NLRP13: variants seen among roughly 807,000 people sequenced by gnomAD.
The protein encoded by NLRP13 is NACHT, LRR and PYD domains-containing protein 13.
In NLRP13, 82 loss-of-function variants were observed where a neutral mutation model predicts 94.4. The observed-to-expected ratio is 0.87, with a 90% CI of 0.73 to 1.04. The LOEUF (loss-of-function observed/expected upper bound fraction) is 1.04. NLRP13 is among the 50% of genes least tolerant of loss of function. The pLI is 0.00. For synonymous variants in NLRP13, 553 were observed against 464.7 expected (o/e 1.19, Z -2.45); for missense variants, 1,426 against 1,230.8 (o/e 1.16, Z -2.37).
chr19:55,912,682 A>C lies in NLRP13; in HGVS notation c.1135T>G (p.Cys379Gly). ...RDLKASLVNP[C>G]FVQITGFTGD... ...GTGAACCCTGTAATTTGTACAAAGC[A>C]TGGATTCACTAATGAGGCCTTAAGA... The change falls in exon 5 of 11, where the codon TGC becomes GGC. Residue 379 changes from cysteine to glycine, a missense_variant. Cys to Gly is a radical substitution (Grantham distance 159). Coordinates refer to ENST00000342929, the MANE Select transcript of NLRP13 (RefSeq NM_176810.2). The C allele has an allele frequency of 6.2e-7, 1 of 1,614,216 alleles. No homozygotes were observed. The highest frequency in any genetic ancestry group is 8.5e-7 in the Non-Finnish European group (1 of 1,180,042).
intron 4 of NLRP13, among the ~76,000 whole-genome samples, chr19:55,913,888 G>C (rs1986611613): frequency 6.6e-6 from 1 of 152,108 alleles, no homozygotes; most frequent in Non-Finnish European, 1.5e-5. Flanking sequence ...AGTAGAGGGG[G>C]CCCATGAGCC....
At chr19:55,897,362 T>A (rs557588218) in intron 10 of NLRP13, among the ~76,000 whole-genome samples, 13 of 151,826 alleles carry the variant, frequency 8.6e-5, no homozygotes, top group Non-Finnish European at 2.9e-5. Context: ...CCATAATAAA[T>A]ACAAAAAAAC....
chr19:55,913,687 G>A (rs149587109), intron 4 of NLRP13, among the ~76,000 whole-genome samples: 186 of 151,948 alleles, frequency 1.2e-3, no homozygotes, highest in African/African-American at 4.0e-3. Flanking sequence ...GGATCATAGC[G>A]AGAAGCCTCT....
chr19:55,913,123 C>CT lies in NLRP13; in HGVS notation c.693dup (p.Val232SerfsTer41), dbSNP rs763877867. 1 of 1,614,194 alleles carries CT rather than the reference C, an allele frequency of 6.2e-7. No homozygotes were observed. The highest frequency in any genetic ancestry group is 2.2e-5 in the East Asian group (1 of 44,872). On this transcript the variant is annotated frameshift_variant, in exon 5 of 11. Coordinates refer to ENST00000342929, the MANE Select transcript of NLRP13 (RefSeq NM_176810.2). LOFTEE classifies it high-confidence loss of function. Reference sequence around the variant, plus strand: ...CCAACCCCTGCCCTCCCCACCAAGACTATCGTCTGGGCCTGGGCTCTAGTC... The same window carrying CT: ...CCAACCCCTGCCCTCCCCACCAAGACTTATCGTCTGGGCCTGGGCTCTAGTC...
intron 6 of NLRP13, among the ~76,000 whole-genome samples, chr19:55,909,061 T>C (rs1288651477): frequency 6.6e-6 from 1 of 152,218 alleles, no homozygotes; most frequent in African/African-American, 2.4e-5. Context: ...ATCTAGGCTT[T>C]AGACCTTGAA....
chr19:55,930,901 A>ATATATATATATATATATATTTTT (rs1338071833), intron 1 of NLRP13, among the ~76,000 whole-genome samples: 3 of 98,286 alleles, frequency 3.1e-5, no homozygotes, highest in Admixed American at 9.5e-5. Context: ...TATATATAAA[A>ATATATATATATATATATATTTTT]TTTTAACCAG....
intron 1 of NLRP13, among the ~76,000 whole-genome samples, chr19:55,930,900 A>ATTTTTTTTT (rs56336813): frequency 9.5e-6 from 1 of 105,138 alleles, no homozygotes; most frequent in Non-Finnish European, 1.9e-5. Context: ...ATATATATAA[A>ATTTTTTTTT]ATTTTAACCA....
chr19:55,915,935 C>T (rs1986664173), intron 4 of NLRP13, among the ~76,000 whole-genome samples: 1 of 152,218 alleles, frequency 6.6e-6, no homozygotes. Context: ...GTGTCATCTA[C>T]TGGACTAGAT....
intron 8 of NLRP13, among the ~76,000 whole-genome samples, chr19:55,904,320 C>T (rs1469433422): frequency 6.6e-6 from 1 of 152,084 alleles, no homozygotes; most frequent in South Asian, 2.1e-4. Context: ...AAATTCCTGA[C>T]CTCGTGATCT....
chr19:55,908,520 C>A (rs997316913), intron 6 of NLRP13, among the ~76,000 whole-genome samples: 19 of 152,124 alleles, frequency 1.2e-4, no homozygotes, highest in African/African-American at 4.6e-4. Context: ...GGAAATCAAC[C>A]TAAATTCTCA....
At chr19:55,913,780 C>A (rs1388986040) in intron 4 of NLRP13, among the ~76,000 whole-genome samples, 1 of 151,770 alleles carries the variant, frequency 6.6e-6, no homozygotes, top group Non-Finnish European at 1.5e-5. Context: ...GGGGGAAGGC[C>A]AAGGTGAATG....
chr19:55,908,599 A>G (rs377653813), intron 6 of NLRP13, among the ~76,000 whole-genome samples: 1 of 149,162 alleles, frequency 6.7e-6, no homozygotes, highest in Non-Finnish European at 1.5e-5. Flanking sequence ...CCATAAAAAA[A>G]GAATGAGATC....
chr19:55,926,812 G>T (rs921532663), intron 1 of NLRP13, among the ~76,000 whole-genome samples: 3 of 152,122 alleles, frequency 2.0e-5, no homozygotes, highest in Non-Finnish European at 4.4e-5. Flanking sequence ...AATGCATGAA[G>T]AATATAGAGT....
At chr19:55,908,664 A>C (rs1986421273) in intron 6 of NLRP13, among the ~76,000 whole-genome samples, 1 of 152,224 alleles carries the variant, frequency 6.6e-6, no homozygotes, top group Non-Finnish European at 1.5e-5. Context: ...TAGGAAGCTA[A>C]TGCAGGAACA....
intron 9 of NLRP13, among the ~76,000 whole-genome samples, chr19:55,899,666 G>A (rs1410427989): frequency 6.6e-6 from 1 of 152,168 alleles, no homozygotes; most frequent in East Asian, 1.9e-4. Context: ...TGCAATCCCA[G>A]CTACTTGGGA....
chr19:55,893,649 A>C (rs1985919691), downstream of NLRP13, among the ~76,000 whole-genome samples: 6 of 152,288 alleles, frequency 3.9e-5, no homozygotes, highest in South Asian at 1.2e-3. Flanking sequence ...CGCAGATGAC[A>C]CAAGGGACCT....
chr19:55,921,276 TTC>T (rs1393888388), intron 4 of NLRP13, among the ~76,000 whole-genome samples: 2 of 152,154 alleles, frequency 1.3e-5, no homozygotes, highest in African/African-American at 4.8e-5. Flanking sequence ...AAGACAGTAT[TTC>T]TGTTAATTTG....
At chr19:55,913,796 C>T (rs1188640781) in intron 4 of NLRP13, among the ~76,000 whole-genome samples, 1 of 151,784 alleles carries the variant, frequency 6.6e-6, no homozygotes, top group Admixed American at 6.6e-5. Context: ...GAATGCCCAC[C>T]CAGAATTTTT....
downstream of NLRP13, chr19:55,892,093 T>C (rs1985866685): frequency 8.1e-7 from 1 of 1,231,880 alleles, no homozygotes; most frequent in South Asian, 4.1e-5. Flanking sequence ...ATCTCCTCTC[T>C]CACTACATTG....
Sources: allele counts gnomAD v4.1 joint callset (sites outside exome capture counted in the v4.1 genomes callset), GRCh38; gene constraint gnomAD v4.1.1; transcripts MANE v1.5; gene names NCBI Gene and HGNC (gene_info 2026-07-23, HGNC 2026-07-21).